Variants in DOK5 observed in about 807,000 individuals in gnomAD.
The protein encoded by DOK5 is downstream of tyrosine kinase 5.
Under a neutral mutation model 43.3 loss-of-function variants are expected in DOK5, and 27 were observed. The observed-to-expected ratio is 0.62, with a 90% CI of 0.46 to 0.86. The LOEUF (loss-of-function observed/expected upper bound fraction) is 0.86. Ranked by LOEUF, DOK5 falls within the 40% of genes least tolerant of loss-of-function variation. The pLI, the probability that DOK5 is intolerant of heterozygous loss-of-function variation, is 0.00. For synonymous variants in DOK5, 146 were observed against 140.1 expected (o/e 1.04, Z -0.30); for missense variants, 373 against 392.9 (o/e 0.95, Z 0.43).
At chr20:54,496,092 T>C (rs1982379408) in intron 1 of DOK5, among the ~76,000 whole-genome samples, 1 of 152,214 alleles carries the variant, frequency 6.6e-6, no homozygotes, top group African/African-American at 2.4e-5. Flanking sequence ...TGAAGCTTAG[T>C]TTTCAGACAC....
intron 2 of DOK5, among the ~76,000 whole-genome samples, chr20:54,564,935 A>G (rs1985043962): frequency 6.6e-6 from 1 of 152,192 alleles, no homozygotes; most frequent in African/African-American, 2.4e-5. Context: ...ACTTTGCTAC[A>G]ATGACCTCCC....
At chr20:54,484,368 A>G (rs1981842855) in intron 1 of DOK5, among the ~76,000 whole-genome samples, 1 of 150,250 alleles carries the variant, frequency 6.7e-6, no homozygotes, top group Non-Finnish European at 1.5e-5. Flanking sequence ...AAAAAGAGCA[A>G]GACTTCATCT....
chr20:54,590,272 T>C (rs546452159), intron 4 of DOK5, among the ~76,000 whole-genome samples: 13 of 152,336 alleles, frequency 8.5e-5, no homozygotes, highest in African/African-American at 3.1e-4. Flanking sequence ...TAAATTCAAC[T>C]GTGTCCTCTC....
chr20:54,614,966 C>T (rs1174707374), intron 6 of DOK5, among the ~76,000 whole-genome samples: 1 of 152,216 alleles, frequency 6.6e-6, no homozygotes, highest in African/African-American at 2.4e-5. Context: ...TGGCTACATT[C>T]CCCACTAGGA....
chr20:54,583,893 G>A (rs1985715544), intron 2 of DOK5, among the ~76,000 whole-genome samples: 1 of 151,816 alleles, frequency 6.6e-6, no homozygotes, highest in African/African-American at 2.4e-5. Context: ...AGGCATAGTG[G>A]CTCATACCTG....
intron 1 of DOK5, among the ~76,000 whole-genome samples, chr20:54,480,963 ATCT>A (rs1213302037): frequency 2.6e-5 from 3 of 114,762 alleles, no homozygotes; most frequent in African/African-American, 1.1e-4. Flanking sequence ...TCTATCTATC[ATCT>A]ATCATCTATC....
chr20:54,479,523 T>C (rs934271632), intron 1 of DOK5, among the ~76,000 whole-genome samples: 1 of 152,224 alleles, frequency 6.6e-6, no homozygotes, highest in Non-Finnish European at 1.5e-5. Context: ...TAGCATCATA[T>C]AACAATTCTC....
chr20:54,553,309 C>T (rs1984593312), intron 1 of DOK5, among the ~76,000 whole-genome samples: 2 of 152,098 alleles, frequency 1.3e-5, no homozygotes, highest in African/African-American at 4.8e-5. Context: ...CATTCTCCTG[C>T]CTCAGCCTCC....
chr20:54,549,585 A>G (rs897753730), intron 1 of DOK5, among the ~76,000 whole-genome samples: 12 of 152,324 alleles, frequency 7.9e-5, no homozygotes, highest in Admixed American at 1.3e-4. Flanking sequence ...AAAAATGGAA[A>G]TCATTAGGCA....
chr20:54,550,795 A>C (rs925880528), intron 1 of DOK5, among the ~76,000 whole-genome samples: 14 of 152,170 alleles, frequency 9.2e-5, no homozygotes, highest in African/African-American at 3.4e-4. Context: ...TCATTCACCC[A>C]CAGAAGGATT....
At chr20:54,650,288 G>C (rs1979637969) in intron 7 of DOK5, 127 bp from the exon 8 acceptor site, 1 of 752,854 alleles carries the variant, frequency 1.3e-6, no homozygotes, top group Non-Finnish European at 2.2e-6. Context: ...ATCCTGAGAG[G>C]CCTTTGGAAA....
intron 6 of DOK5, among the ~76,000 whole-genome samples, chr20:54,638,752 C>CTTTTTTTTT (rs11476340): frequency 2.8e-4 from 28 of 98,446 alleles, no homozygotes; most frequent in African/African-American, 4.0e-4. Flanking sequence ...CTTTTCTTTT[C>CTTTTTTTTT]TTTTTTTTTT....
At chr20:54,620,936 C>T (rs940608309) in intron 6 of DOK5, among the ~76,000 whole-genome samples, 4 of 152,130 alleles carry the variant, frequency 2.6e-5, no homozygotes, top group African/African-American at 9.7e-5. Context: ...AGTTAAGTGT[C>T]CACCACAAGG....
At chr20:54,477,659 A>AC (rs61297999) in intron 1 of DOK5, among the ~76,000 whole-genome samples, 14,494 of 152,076 alleles carry the variant, frequency 0.095, 735 homozygotes, top group Middle Eastern at 0.11. Context: ...AAAAAAAAAA[A>AC]AACCCAGCAT....
At chr20:54,641,454 A>G (rs921230793) in intron 6 of DOK5, among the ~76,000 whole-genome samples, 1 of 151,784 alleles carries the variant, frequency 6.6e-6, no homozygotes, top group East Asian at 1.9e-4. Flanking sequence ...TGCTGAGGGG[A>G]TGTGTACAGT....
At position 54,647,396 on chromosome 20, in the gene DOK5, T is replaced by G. The variant is rs541363734; in HGVS notation, c.857-3019T>G. Among the ~76,000 whole-genome samples, 3 of 151,516 alleles carry G rather than the reference T, an allele frequency of 2.0e-5. No homozygotes were observed. The East Asian group carries it at 5.8e-4, about 30-fold the overall frequency. On this transcript the variant is annotated intron_variant, in intron 7 of 7. Coordinates refer to ENST00000262593, the MANE Select transcript of DOK5 (RefSeq NM_018431.5). ...GGCGGGCGCCTGTAATTCCAGCTACTCGGAAAGCTGAGGTGGGAGAATCGC... is the reference window on the plus strand; with the variant it reads ...GGCGGGCGCCTGTAATTCCAGCTACGCGGAAAGCTGAGGTGGGAGAATCGC...
intron 2 of DOK5, among the ~76,000 whole-genome samples, chr20:54,571,302 C>T (rs895431290): frequency 1.3e-5 from 2 of 152,180 alleles, no homozygotes; most frequent in African/African-American, 4.8e-5. Context: ...ACCTCCTCTC[C>T]TGCCCTCAGG....
intron 6 of DOK5, among the ~76,000 whole-genome samples, chr20:54,626,840 G>C (rs1023379139): frequency 5.9e-5 from 9 of 152,198 alleles, no homozygotes; most frequent in African/African-American, 2.2e-4. Flanking sequence ...TTGTAATTCA[G>C]AGGTTGACAA....
chr20:54,638,752 CTTT>C (rs11476340), intron 6 of DOK5, among the ~76,000 whole-genome samples: 6 of 98,520 alleles, frequency 6.1e-5, no homozygotes, highest in Non-Finnish European at 1.0e-4. Context: ...CTTTTCTTTT[CTTT>C]TTTTTTTTTT....
Sources: allele counts gnomAD v4.1 joint callset (sites outside exome capture counted in the v4.1 genomes callset), GRCh38; gene constraint gnomAD v4.1.1; transcripts MANE v1.5; gene names NCBI Gene and HGNC (gene_info 2026-07-23, HGNC 2026-07-21).